Variants in AFDN observed in about 807,000 individuals in gnomAD.
The protein encoded by AFDN is afadin.
AFDN carries 68 observed loss-of-function variants against 216.6 expected under a neutral mutation model. The ratio of observed to expected loss-of-function variants is 0.31; its 90% CI spans 0.26 to 0.38. The LOEUF is 0.38. Ranked by LOEUF, AFDN falls within the 10% of genes least tolerant of loss-of-function variation. AFDN has a pLI of 1.00. For missense variants in AFDN, 2,136 were observed against 2,342.0 expected, an observed-to-expected ratio of 0.91 and a Z score of 1.82; for synonymous variants, 868 against 853.7, an observed-to-expected ratio of 1.02 and a Z score of -0.29.
chr6:167,908,128 AT>A (rs1240693111), intron 13 of AFDN, among the ~76,000 whole-genome samples: 9 of 152,220 alleles, frequency 5.9e-5, no homozygotes, highest in Non-Finnish European at 1.3e-4. Flanking sequence ...TTTCAGATAG[AT>A]TTTTGAAGAG....
chr6:167,919,061 T>C lies in AFDN; in HGVS notation c.2908+128T>C. 6 of 752,878 alleles carry C rather than the reference T, an allele frequency of 8.0e-6. No homozygotes were observed. In the South Asian group the frequency reaches 1.0e-4, roughly 13 times the overall value. The allele number at this position is 752,878 out of a possible 1,614,324, so 46.6% of individuals were successfully genotyped here. On this transcript the variant is annotated intron_variant, in intron 21 of 33. Transcript: ENST00000683244. ...CCCTCGTGCTGTCTGGAGAAGTCCG[T>C]GTTCCACTGACTTGGAGAAATATTT...
chr6:167,946,856 C>A lies in AFDN; in HGVS notation c.3508C>A (p.Leu1170Met). 1.9e-6 allele frequency: 3 copies of A among 1,612,558 alleles called. No individual in the cohort carries two copies. Among genetic ancestry groups the A allele is most frequent in the Non-Finnish European group, 2.5e-6 (3 of 1,179,622 alleles). Residue 1170 changes from leucine (L) to methionine (M), a missense_variant, in exon 27 of 34, where the codon CTG (leucine) becomes ATG (methionine). Physicochemically the swap from Leu to Met is conservative, Grantham distance 15. Coordinates refer to ENST00000683244, the MANE Select transcript of AFDN (RefSeq NM_001386888.1). The part of the protein sequence containing the change: ...EPKKLPGDDR[L>M]MKNRADHRSS... ...AAAGAAATTGCCTGGTGATGACAGA[C>A]TGATGAAAAATAGAGCTGATCACCG...
At chr6:167,931,545 A>G (rs1320149665) in intron 23 of AFDN, among the ~76,000 whole-genome samples, 1 of 152,192 alleles carries the variant, frequency 6.6e-6, no homozygotes, top group Non-Finnish European at 1.5e-5. Context: ...TTTTCTTGAA[A>G]TGAGAGAAAT....
chr6:167,948,433 G>A lies in AFDN; in HGVS notation c.3786G>A (p.Lys1262=). 1 of 1,614,146 alleles carries A rather than the reference G, an allele frequency of 6.2e-7. No homozygotes were observed. Among genetic ancestry groups the A allele is most frequent in the Non-Finnish European group, 8.5e-7 (1 of 1,180,030 alleles). ...PQNQWPNYEE[K]PHMHTDSNHS... Reference sequence around the variant, plus strand: ...ACCAGTGGCCAAATTATGAGGAAAAGCCACATATGCACACAGATAGTAATC... The same window carrying A: ...ACCAGTGGCCAAATTATGAGGAAAAACCACATATGCACACAGATAGTAATC... The change falls in exon 29 of 34, where the codon AAG becomes AAA. Residue 1262 remains lysine, a synonymous_variant. Transcript: ENST00000683244.
intron 21 of AFDN, among the ~76,000 whole-genome samples, chr6:167,922,368 C>G (rs1056713513): frequency 4.6e-5 from 7 of 152,146 alleles, no homozygotes; most frequent in Non-Finnish European, 1.0e-4. Flanking sequence ...ATGAGGAGGA[C>G]TCCTAGAATT....
chr6:167,917,147 G>A lies in AFDN; in HGVS notation c.2624G>A (p.Ser875Asn), dbSNP rs151316375. 100 of 1,612,592 alleles carry A rather than the reference G, an allele frequency of 6.2e-5. No homozygotes were observed. The highest frequency in any genetic ancestry group is 8.0e-5 in the Non-Finnish European group (94 of 1,179,610). The change falls in exon 20 of 34, where the codon AGC (serine) becomes AAC (asparagine). Residue 875 changes from serine to asparagine, a missense_variant. Ser to Asn is a conservative substitution (Grantham distance 46, BLOSUM62 1). This residue lies in a region of AFDN where 162 missense variants were observed against 182.6 expected (regional missense o/e 0.89). Coordinates refer to ENST00000683244, the MANE Select transcript of AFDN (RefSeq NM_001386888.1). The part of the protein sequence containing the change: ...YAPDDIPNIN[S>N]TCFKLNSLQL... ...CCTGATGACATTCCAAATATAAACA[G>A]CACCTGCTTTAAGTTAAATTCATTA...
chr6:167,856,900 G>C (rs1466154921), intron 1 of AFDN, among the ~76,000 whole-genome samples: 1 of 152,004 alleles, frequency 6.6e-6, no homozygotes, highest in Non-Finnish European at 1.5e-5. Context: ...TTGAGCTTTT[G>C]TACATATTTA....
At chr6:167,897,272 A>G (rs1271506732) in intron 10 of AFDN, among the ~76,000 whole-genome samples, 2 of 152,212 alleles carry the variant, frequency 1.3e-5, no homozygotes, top group Non-Finnish European at 2.9e-5. Context: ...GGATTACAGG[A>G]TATAACCTAT....
chr6:167,923,071 A>C, intron 22 of AFDN, 112 bp downstream of exon 22: 1 of 722,070 alleles, frequency 1.4e-6, no homozygotes, highest in Non-Finnish European at 2.3e-6. Context: ...GAGTTTTAAA[A>C]TCGCTGTTAA....
chr6:167,845,548 G>A (rs966809879), intron 1 of AFDN, among the ~76,000 whole-genome samples: 1 of 151,896 alleles, frequency 6.6e-6, no homozygotes. Context: ...CAGGCAGATG[G>A]TATTTTTAGT....
At chr6:167,827,541 C>G (rs932845819) in intron 1 of AFDN, 5 of 144,532 alleles carry the variant, frequency 3.5e-5, no homozygotes, top group Non-Finnish European at 6.1e-5. Context: ...GCCGCCCCCA[C>G]CCCCGCGAGC....
chr6:167,919,669 T>G (rs1029543597), intron 21 of AFDN, among the ~76,000 whole-genome samples: 5 of 152,260 alleles, frequency 3.3e-5, no homozygotes, highest in African/African-American at 1.2e-4. Flanking sequence ...ATTTCCTGGA[T>G]TTTATTATGT....
In AFDN at chr6:167,864,755, A is replaced by G. The variant is rs1271224164; in HGVS notation, c.301+9A>G. ...AGTGCATGTCAGCGGAGGTCAGTGT[A>G]TACAGGAAGGGTTTGCTAGAGGCAT... is the stretch of plus-strand genomic sequence containing the variant. On this transcript the variant is annotated intron_variant, in intron 2 of 33. Transcript: ENST00000683244. The G allele has an allele frequency of 1.9e-6, 3 of 1,613,684 alleles. No homozygotes were observed. Among genetic ancestry groups the G allele is most frequent in the African/African-American group, 1.3e-5 (1 of 74,932 alleles).
At chr6:167,964,472 T>A (rs1797334020) in intron 31 of AFDN, 1 of 1,065,398 alleles carries the variant, frequency 9.4e-7, no homozygotes, top group Non-Finnish European at 1.1e-6. Flanking sequence ...GACAAGAAGA[T>A]GAGAGTCTTT....
intron 26 of AFDN, 77 bp downstream of exon 26, chr6:167,944,136 G>T (rs778331506): frequency 6.2e-5 from 70 of 1,134,974 alleles, no homozygotes; most frequent in Non-Finnish European, 9.1e-5. Flanking sequence ...CATGGAGGAG[G>T]TACTGGTGTT....
At position 167,845,598 on chromosome 6, in the gene AFDN, A is replaced by G. The variant is rs568617706; in HGVS notation, c.105+18361A>G. ...GCCATGTTGGTCAGACTGCTTTCCA[A>G]CTCCTGACCTCAGGTGATCCGTCTG... is the stretch of plus-strand genomic sequence containing the variant. On this transcript the variant is annotated intron_variant, in intron 1 of 33. Coordinates refer to ENST00000683244, the MANE Select transcript of AFDN (RefSeq NM_001386888.1). Among the ~76,000 whole-genome samples, 248 of 151,584 alleles carry G rather than the reference A, an allele frequency of 1.6e-3. 1 individual carries two copies. The highest frequency in any genetic ancestry group is 3.0e-3 in the Non-Finnish European group (206 of 67,834).
At position 167,897,043 on chromosome 6, in the gene AFDN, A is replaced by G. The variant is rs1293846278; in HGVS notation, c.1317+71A>G. 1.6e-5 allele frequency: 12 copies of G among 760,394 alleles called. No homozygotes were observed. The East Asian group carries it at 2.6e-4, about 17-fold the overall frequency. 47.1% of individuals were successfully genotyped at this position (760,394 alleles called of 1,614,324 possible). ...CATAACGTATTGTACAGAGCCTGCC[A>G]CATGGTAATGAAAGAAGGAATTATA... On this transcript the variant is annotated intron_variant, in intron 10 of 33. Transcript: ENST00000683244.
intron 1 of AFDN, among the ~76,000 whole-genome samples, chr6:167,851,525 T>A (rs753374850): frequency 6.6e-6 from 1 of 152,208 alleles, no homozygotes; most frequent in Non-Finnish European, 1.5e-5. Flanking sequence ...AGTTGAGAAT[T>A]TGTAGACAGG....
intron 1 of AFDN, among the ~76,000 whole-genome samples, chr6:167,838,556 A>T (rs1438503608): frequency 6.6e-6 from 1 of 152,216 alleles, no homozygotes; most frequent in Non-Finnish European, 1.5e-5. Context: ...TTTTCCCCAG[A>T]TAACATTTGA....
Sources: gnomAD v4.1 joint callset for allele counts (sites outside exome capture counted in the v4.1 genomes callset) on GRCh38, gnomAD v4.1.1 for gene constraint, gnomAD v4.1.1 regional missense constraint, MANE v1.5 for transcripts, NCBI Gene and HGNC (gene_info 2026-07-23, HGNC 2026-07-21) for gene names.